LCMT1: variants seen among roughly 807,000 people sequenced by gnomAD.
LCMT1 encodes [Phosphatase 2A protein]-leucine-carboxy methyltransferase 1.
LCMT1 carries 32 observed loss-of-function variants against 47.7 expected under a neutral mutation model. That is an observed-to-expected ratio of 0.67 (90% CI 0.51 to 0.90). The LOEUF is 0.90. Ranked by LOEUF, LCMT1 falls within the 40% of genes least tolerant of loss-of-function variation. The probability of loss-of-function intolerance (pLI) is 0.00; values close to 1 mark genes in which losing one functional copy is unlikely to be tolerated. For missense variants in LCMT1, 375 were observed against 415.2 expected (o/e 0.90, Z 0.84); for synonymous variants, 152 against 149.7 (o/e 1.02, Z -0.11).
chr16:25,121,815 G>A (rs1019397936), intron 1 of LCMT1, among the ~76,000 whole-genome samples: 2 of 152,178 alleles, frequency 1.3e-5, no homozygotes, highest in South Asian at 2.1e-4. Flanking sequence ...TAGGGATTAT[G>A]GGGATTACAA....
intron 7 of LCMT1, among the ~76,000 whole-genome samples, chr16:25,167,941 AT>A (rs1961634321): frequency 6.6e-6 from 1 of 150,994 alleles, no homozygotes; most frequent in Non-Finnish European, 1.5e-5. Flanking sequence ...TGTATTTTTA[AT>A]AGAGACAGGG....
intron 3 of LCMT1, among the ~76,000 whole-genome samples, chr16:25,133,008 C>T (rs924329923): frequency 1.3e-5 from 2 of 152,208 alleles, no homozygotes; most frequent in East Asian, 1.9e-4. Context: ...CAGGCATGCG[C>T]CACCACATCT....
chr16:25,148,296 A>C (rs1960935781), intron 4 of LCMT1: 1 of 152,240 alleles, frequency 6.6e-6, no homozygotes, highest in African/African-American at 2.4e-5. Context: ...AACATACAAA[A>C]AGGAAAAACA....
At chr16:25,154,775 C>T (rs1424503226) in intron 5 of LCMT1, among the ~76,000 whole-genome samples, 1 of 152,182 alleles carries the variant, frequency 6.6e-6, no homozygotes, top group African/African-American at 2.4e-5. Context: ...GTGTGAGCCA[C>T]TGCACCCGGC....
intron 9 of LCMT1, among the ~76,000 whole-genome samples, chr16:25,173,469 A>G (rs1231626435): frequency 6.6e-6 from 1 of 152,200 alleles, no homozygotes; most frequent in Non-Finnish European, 1.5e-5. Flanking sequence ...CCTGCATACC[A>G]AGACGGGAAT....
Position 25,164,596 on chromosome 16 carries a change from A to T in LCMT1, c.570-2A>T. On this transcript the variant is annotated splice_acceptor_variant, in intron 6 of 10. Transcript: ENST00000399069. LOFTEE classifies it high-confidence loss of function. ...ATGTGCCTTTTTTTCCTTATCTTTAAGATTGCCAACACTCCTGATAGCTGA... is the reference window on the plus strand; with the variant it reads ...ATGTGCCTTTTTTTCCTTATCTTTATGATTGCCAACACTCCTGATAGCTGA... 6.2e-7 allele frequency: 1 copy of T among 1,613,936 alleles called. No individual in the cohort carries two copies. The highest frequency in any genetic ancestry group is 8.5e-7 in the Non-Finnish European group (1 of 1,179,854).
chr16:25,151,696 G>GGTGTGTGGT lies in LCMT1; in HGVS notation c.466+88_466+89insGTGTGTGTG. The GGTGTGTGGT allele has an allele frequency of 6.7e-6, 4 of 600,594 alleles. No homozygotes were observed. In the Admixed American group the frequency reaches 1.1e-4, roughly 17 times the overall value. The allele number at this position is 600,594 out of a possible 1,614,324, so 37.2% of individuals were successfully genotyped here. On this transcript the variant is annotated intron_variant, in intron 5 of 10. Transcript: ENST00000399069. ...CTTTTTGAAGATGGGGTTTGTGTTG[G>GGTGTGTGGT]GTGTGTGTGTGTGTGTGTGTGTGTG...
chr16:25,117,114 G>T (rs113775653), intron 1 of LCMT1, among the ~76,000 whole-genome samples: 16 of 152,284 alleles, frequency 1.1e-4, no homozygotes, highest in African/African-American at 3.9e-4. Context: ...GTGCAGAACT[G>T]ATATGATCTT....
chr16:25,156,966 A>T (rs1310959865), intron 5 of LCMT1, among the ~76,000 whole-genome samples: 1 of 143,904 alleles, frequency 6.9e-6, no homozygotes. Flanking sequence ...TTTTTAATTG[A>T]AGGATCCTAG....
At chr16:25,164,524 G>A (rs1961528183) in intron 6 of LCMT1, 74 bp from the exon 7 acceptor site, 1 of 1,595,882 alleles carries the variant, frequency 6.3e-7, no homozygotes, top group Non-Finnish European at 8.6e-7. Context: ...CACCAATACT[G>A]CAACATGTGT....
chr16:25,149,279 T>C (rs1260289147), intron 4 of LCMT1, among the ~76,000 whole-genome samples: 1 of 152,182 alleles, frequency 6.6e-6, no homozygotes, highest in East Asian at 1.9e-4. Context: ...ATTGTTAGTG[T>C]ATTTTGTGTG....
At chr16:25,151,404 C>A in intron 4 of LCMT1, 150 bp from the exon 5 acceptor site, 1 of 636,576 alleles carries the variant, frequency 1.6e-6, no homozygotes, top group Non-Finnish European at 2.8e-6. Flanking sequence ...TAAACTGAAG[C>A]CCTTTTTAGA....
In LCMT1 at chr16:25,157,197, G is replaced by A. The variant is rs537459531; in HGVS notation, c.467-3905G>A. ...ATGTGTTTAACTACTGTGTTACATTGTGTAAGTCTTCAGTTTTCTCATGCC... is the reference window on the plus strand; with the variant it reads ...ATGTGTTTAACTACTGTGTTACATTATGTAAGTCTTCAGTTTTCTCATGCC... On this transcript the variant is annotated intron_variant, in intron 5 of 10. Coordinates refer to ENST00000399069, the MANE Select transcript of LCMT1 (RefSeq NM_016309.3). Among the ~76,000 whole-genome samples, 6 of 152,024 alleles carry A rather than the reference G, an allele frequency of 3.9e-5. No homozygotes were observed. In the South Asian group the frequency reaches 1.2e-3, roughly 32 times the overall value.
At chr16:25,152,221 A>C (rs1198623351) in intron 5 of LCMT1, among the ~76,000 whole-genome samples, 5 of 152,190 alleles carry the variant, frequency 3.3e-5, no homozygotes, top group Non-Finnish European at 2.9e-5. Flanking sequence ...GCAGTCAGGC[A>C]GTTGGGTTGG....
chr16:25,165,522 T>C (rs1227723182), intron 7 of LCMT1, among the ~76,000 whole-genome samples: 2 of 151,962 alleles, frequency 1.3e-5, no homozygotes, highest in Non-Finnish European at 2.9e-5. Context: ...CTTTTCTTTT[T>C]TTTTTTCTTT....
chr16:25,134,898 G>A (rs905958118), intron 3 of LCMT1, among the ~76,000 whole-genome samples: 4 of 152,192 alleles, frequency 2.6e-5, no homozygotes, highest in African/African-American at 9.7e-5. Flanking sequence ...ACTATGCTCG[G>A]CTGACCTGTT....
intron 6 of LCMT1, among the ~76,000 whole-genome samples, chr16:25,163,485 A>C (rs1961493936): frequency 6.6e-6 from 1 of 151,214 alleles, no homozygotes. Context: ...AAAAAAAAAA[A>C]AGAATCTAAT....
chr16:25,129,318 A>G (rs562458537), intron 2 of LCMT1, among the ~76,000 whole-genome samples: 1 of 152,270 alleles, frequency 6.6e-6, no homozygotes, highest in South Asian at 2.1e-4. Context: ...AAAAGAACAC[A>G]ATATCTACTT....
chr16:25,134,921 T>C (rs1960459578), intron 3 of LCMT1, among the ~76,000 whole-genome samples: 1 of 152,106 alleles, frequency 6.6e-6, no homozygotes, highest in African/African-American at 2.4e-5. Flanking sequence ...GTTTTTGTAA[T>C]GAGTTGTCCC....
Sources: gnomAD v4.1 joint callset for allele counts (sites outside exome capture counted in the v4.1 genomes callset) on GRCh38, gnomAD v4.1.1 for gene constraint, MANE v1.5 for transcripts, NCBI Gene and HGNC (gene_info 2026-07-23, HGNC 2026-07-21) for gene names.